GRIA1: variants seen among roughly 807,000 people sequenced by gnomAD.
GRIA1 encodes the protein glutamate ionotropic receptor AMPA type subunit 1, also known as glutamate receptor 1.
A neutral mutation model predicts 99.2 loss-of-function variants in GRIA1; 31 were observed. The ratio of observed to expected loss-of-function variants is 0.31; its 90% CI spans 0.23 to 0.42. The LOEUF is 0.42. GRIA1 is among the 10% of genes least tolerant of loss of function. The pLI, the probability that GRIA1 is intolerant of heterozygous loss-of-function variation, is 1.00. For missense variants in GRIA1, 782 were observed against 1,157.5 expected (o/e 0.68, Z 4.71); for synonymous variants, 438 against 432.4 (o/e 1.01, Z -0.16).
intron 2 of GRIA1, among the ~76,000 whole-genome samples, chr5:153,495,890 C>T (rs938198092): frequency 2.6e-5 from 4 of 152,172 alleles, no homozygotes; most frequent in African/African-American, 4.8e-5. Flanking sequence ...AATGTTTAAA[C>T]GCATATACAT....
At chr5:153,797,297 C>T (rs977173187) in intron 14 of GRIA1, among the ~76,000 whole-genome samples, 4 of 152,248 alleles carry the variant, frequency 2.6e-5, no homozygotes, top group South Asian at 2.1e-4. Context: ...ATAACATGTC[C>T]GACATACAAC....
intron 11 of GRIA1, among the ~76,000 whole-genome samples, chr5:153,710,948 T>C (rs1156401556): frequency 6.6e-6 from 1 of 152,192 alleles, no homozygotes; most frequent in African/African-American, 2.4e-5. Flanking sequence ...GAGGAGCTGA[T>C]GGGTAAGAAT....
rs1766806382 is a variant in GRIA1, at chr5:153,811,293, G to A, written c.*68G>A. 8.9e-7 allele frequency: 1 copy of A among 1,127,352 alleles called. No homozygotes were observed. The highest frequency in any genetic ancestry group is 2.4e-5 in the East Asian group (1 of 40,840). 69.8% of individuals were successfully genotyped at this position (1,127,352 alleles called of 1,614,324 possible). On this transcript the variant is annotated 3_prime_UTR_variant, in exon 16 of 16. Coordinates refer to ENST00000285900, the MANE Select transcript of GRIA1 (RefSeq NM_000827.4). ...CCAGCCCCATCCCAAACCCTTCAGT[G>A]CCAAAAACAACAACAAAATGAAACG...
At chr5:153,544,294 A>G (rs1001204964) in intron 2 of GRIA1, among the ~76,000 whole-genome samples, 3 of 152,128 alleles carry the variant, frequency 2.0e-5, no homozygotes, top group African/African-American at 7.2e-5. Flanking sequence ...AGATACTATT[A>G]TCTGAAAGCA....
Position 153,529,180 on chromosome 5 carries a change from G to A in GRIA1, c.220+35115G>A, listed in dbSNP as rs191288129. 7.9e-5 allele frequency among the ~76,000 whole-genome samples: 12 copies of A among 152,306 alleles called. No homozygotes were observed. The East Asian group carries it at 9.6e-4, about 12-fold the overall frequency. On this transcript the variant is annotated intron_variant, in intron 2 of 15. Transcript: ENST00000285900. ...ACAATAAGAGGCTATCTGTGCTTGC[G>A]TTCCAGGGGGTGAGTTACTGTCTTA...
At chr5:153,553,657 TACC>T (rs1760356764) in intron 2 of GRIA1, among the ~76,000 whole-genome samples, 1 of 152,148 alleles carries the variant, frequency 6.6e-6, no homozygotes, top group African/African-American at 2.4e-5. Flanking sequence ...ATTCTTCCCT[TACC>T]AGTATTCGTA....
At chr5:153,757,452 G>A (rs1216578569) in intron 11 of GRIA1, among the ~76,000 whole-genome samples, 1 of 152,116 alleles carries the variant, frequency 6.6e-6, no homozygotes, top group Non-Finnish European at 1.5e-5. Flanking sequence ...AAGGTCAAAA[G>A]TCACCAATAG....
intron 11 of GRIA1, among the ~76,000 whole-genome samples, chr5:153,734,780 GC>G (rs1761267899): frequency 6.6e-6 from 1 of 152,168 alleles, no homozygotes; most frequent in Non-Finnish European, 1.5e-5. Flanking sequence ...ATGGGTATTA[GC>G]CAAGTGAAAA....
intron 2 of GRIA1, among the ~76,000 whole-genome samples, chr5:153,604,547 A>C (rs140715684): frequency 6.6e-6 from 1 of 152,304 alleles, no homozygotes; most frequent in Non-Finnish European, 1.5e-5. Context: ...CAAGAATTGT[A>C]GCGTTGTCAG....
chr5:153,785,360 C>T (rs1764908054), intron 13 of GRIA1, among the ~76,000 whole-genome samples: 1 of 152,136 alleles, frequency 6.6e-6, no homozygotes, highest in Non-Finnish European at 1.5e-5. Context: ...TCCTCGAAGG[C>T]CCTTCCCCTA....
chr5:153,512,621 G>A (rs997012650), intron 2 of GRIA1, among the ~76,000 whole-genome samples: 1 of 152,156 alleles, frequency 6.6e-6, no homozygotes, highest in African/African-American at 2.4e-5. Flanking sequence ...AATCAACATG[G>A]CTGTTAGAAA....
At chr5:153,503,229 A>C (rs1755175799) in intron 2 of GRIA1, among the ~76,000 whole-genome samples, 1 of 152,238 alleles carries the variant, frequency 6.6e-6, no homozygotes, top group South Asian at 2.1e-4. Flanking sequence ...AACCCAGTAG[A>C]ACAATTTCCA....
intron 5 of GRIA1, among the ~76,000 whole-genome samples, chr5:153,660,628 C>T (rs1755300391): frequency 6.6e-6 from 1 of 152,146 alleles, no homozygotes; most frequent in Non-Finnish European, 1.5e-5. Context: ...CCAACCCAGG[C>T]TCTCAAATTC....
chr5:153,641,507 C>T (rs1753776734), intron 2 of GRIA1, among the ~76,000 whole-genome samples: 1 of 152,144 alleles, frequency 6.6e-6, no homozygotes, highest in South Asian at 2.1e-4. Flanking sequence ...CTCCTGCTTC[C>T]CCAAGAGGGA....
At chr5:153,648,277 T>A (rs889062) in intron 3 of GRIA1, among the ~76,000 whole-genome samples, 2 of 151,936 alleles carry the variant, frequency 1.3e-5, no homozygotes, top group Non-Finnish European at 2.9e-5. Flanking sequence ...TCTCAGACTG[T>A]GACTATTGCA....
At chr5:153,522,017 C>T (rs529756809) in intron 2 of GRIA1, among the ~76,000 whole-genome samples, 41 of 152,288 alleles carry the variant, frequency 2.7e-4, no homozygotes, top group African/African-American at 9.4e-4. Context: ...ACTGTAGGAC[C>T]CAGACACTGA....
At chr5:153,799,900 A>T (rs1160459233) in intron 14 of GRIA1, among the ~76,000 whole-genome samples, 4 of 151,902 alleles carry the variant, frequency 2.6e-5, no homozygotes, top group African/African-American at 9.7e-5. Flanking sequence ...CCATATGAAA[A>T]TCTCACCCTA....
At chr5:153,754,561 T>A (rs1762703079) in intron 11 of GRIA1, among the ~76,000 whole-genome samples, 2 of 152,190 alleles carry the variant, frequency 1.3e-5, no homozygotes, top group Admixed American at 1.3e-4. Context: ...TGGGCTTCAC[T>A]AGATGATCCT....
chr5:153,579,311 C>T (rs1223483687), intron 2 of GRIA1, among the ~76,000 whole-genome samples: 1 of 152,162 alleles, frequency 6.6e-6, no homozygotes, highest in Non-Finnish European at 1.5e-5. Flanking sequence ...CATTTGGTTC[C>T]TTTATTCCAT....
Sources: gnomAD v4.1 joint callset for allele counts (sites outside exome capture counted in the v4.1 genomes callset) on GRCh38, gnomAD v4.1.1 for gene constraint, MANE v1.5 for transcripts, NCBI Gene and HGNC (gene_info 2026-07-23, HGNC 2026-07-21) for gene names.